The following DSCAML1 variants were observed in gnomAD, a reference collection of about 807,000 sequenced individuals.
The protein encoded by DSCAML1 is DS cell adhesion molecule like 1, also known as cell adhesion molecule DSCAML1.
In DSCAML1, 38 loss-of-function variants were observed where a neutral mutation model predicts 200.5. That is an observed-to-expected ratio of 0.19 (90% CI 0.15 to 0.25). The LOEUF (loss-of-function observed/expected upper bound fraction) is 0.25. Among genes scored for constraint, DSCAML1 ranks in the 10% least tolerant of loss-of-function variants. The pLI is 1.00. For missense variants in DSCAML1, 2,223 were observed against 2,858.8 expected (o/e 0.78, Z 5.07); for synonymous variants, 1,215 against 1,165.0 (o/e 1.04, Z -0.87).
chr11:117,515,523 C>T (rs531031767), intron 8 of DSCAML1, among the ~76,000 whole-genome samples: 2 of 151,708 alleles, frequency 1.3e-5, no homozygotes, highest in Admixed American at 6.6e-5. Flanking sequence ...TTCATTTGAT[C>T]CACAGACTTA....
At chr11:117,449,273 G>A (rs377702840) in intron 20 of DSCAML1, among the ~76,000 whole-genome samples, 4 of 152,220 alleles carry the variant, frequency 2.6e-5, no homozygotes, top group South Asian at 2.1e-4. Context: ...TGCTCTGGGC[G>A]CTGCTGCTTG....
intron 3 of DSCAML1, among the ~76,000 whole-genome samples, chr11:117,574,448 A>C (rs2050898455): frequency 6.6e-6 from 1 of 152,160 alleles, no homozygotes; most frequent in African/African-American, 2.4e-5. Context: ...TGAGGCCCAC[A>C]TCCTTTCTGC....
chr11:117,548,803 C>T (rs920195077), intron 3 of DSCAML1, among the ~76,000 whole-genome samples: 5 of 152,172 alleles, frequency 3.3e-5, no homozygotes, highest in Admixed American at 2.0e-4. Flanking sequence ...GAAGAAACCC[C>T]GCAGTCTTGA....
chr11:117,485,953 C>T (rs950022215), intron 11 of DSCAML1, among the ~76,000 whole-genome samples: 3 of 152,176 alleles, frequency 2.0e-5, no homozygotes, highest in Non-Finnish European at 2.9e-5. Flanking sequence ...CAGCGCTGGC[C>T]GGTCCTAGCT....
intron 3 of DSCAML1, among the ~76,000 whole-genome samples, chr11:117,597,649 T>A (rs751334148): frequency 5.3e-5 from 8 of 152,048 alleles, no homozygotes; most frequent in African/African-American, 9.7e-5. Context: ...AGAGATGGGG[T>A]TTCATCATGT....
chr11:117,702,538 C>G (rs1344232672), intron 3 of DSCAML1, among the ~76,000 whole-genome samples: 1 of 152,104 alleles, frequency 6.6e-6, no homozygotes, highest in Non-Finnish European at 1.5e-5. Flanking sequence ...CCCTCCTTCA[C>G]AGCAATTCCC....
rs577770890 is a variant in DSCAML1, at chr11:117,452,885, C to A, written c.3569-2197G>T. ...GACAATGCAATGACCTTAGAGCTTC[C>A]ATTTACCCTGTCCCAACCTTGCCAT... is the stretch of plus-strand genomic sequence containing the variant. On this transcript the variant is annotated intron_variant, in intron 19 of 32. Coordinates refer to ENST00000651296, the MANE Select transcript of DSCAML1 (RefSeq NM_020693.4). 3.3e-5 allele frequency among the ~76,000 whole-genome samples: 5 copies of A among 152,246 alleles called. No individual in the cohort carries two copies. The South Asian group carries it at 1.0e-3, about 32-fold the overall frequency.
intron 3 of DSCAML1, among the ~76,000 whole-genome samples, chr11:117,562,461 G>A (rs2050680977): frequency 6.6e-6 from 1 of 152,208 alleles, no homozygotes; most frequent in Admixed American, 6.5e-5. Context: ...CCCACAGCAT[G>A]TGACATGTGA....
intron 3 of DSCAML1, among the ~76,000 whole-genome samples, chr11:117,672,693 C>G (rs2053135829): frequency 6.6e-6 from 1 of 152,220 alleles, no homozygotes; most frequent in African/African-American, 2.4e-5. Context: ...CAATACACAT[C>G]ACTATCATTC....
intron 3 of DSCAML1, among the ~76,000 whole-genome samples, chr11:117,634,711 G>A (rs761991888): frequency 2.6e-5 from 4 of 152,134 alleles, no homozygotes; most frequent in East Asian, 1.9e-4. Context: ...CCCCTTCAGC[G>A]GTGCCAACAC....
At chr11:117,714,046 T>G (rs2187182) in intron 3 of DSCAML1, among the ~76,000 whole-genome samples, 145,137 of 152,298 alleles carry the variant, frequency 0.95, 69,332 homozygotes, top group South Asian at 0.99. Flanking sequence ...TAGTCAATCT[T>G]CCTGAGTCCG....
At chr11:117,436,988 C>T in intron 26 of DSCAML1, 134 bp downstream of exon 26, 1 of 1,272,570 alleles carries the variant, frequency 7.9e-7, no homozygotes, top group South Asian at 1.5e-5. Flanking sequence ...CACCTGCAGG[C>T]CAGCATTTCC....
chr11:117,635,042 T>C (rs2052249251), intron 3 of DSCAML1, among the ~76,000 whole-genome samples: 1 of 152,184 alleles, frequency 6.6e-6, no homozygotes, highest in Admixed American at 6.5e-5. Context: ...AAACCCATGA[T>C]AGGTCGCACA....
chr11:117,711,782 C>G (rs192886963), intron 3 of DSCAML1, among the ~76,000 whole-genome samples: 19 of 152,192 alleles, frequency 1.2e-4, no homozygotes, highest in Non-Finnish European at 2.6e-4. Flanking sequence ...TTACAACTGG[C>G]CTATCATCAG....
At position 117,428,313 on chromosome 11, in the gene DSCAML1, C is replaced by T. The variant is rs941597324; in HGVS notation, c.*15G>A. 4 of 1,426,018 alleles carry T rather than the reference C, an allele frequency of 2.8e-6. No individual in the cohort carries two copies. Among genetic ancestry groups the T allele is most frequent in the African/African-American group, 1.4e-5 (1 of 69,862 alleles). The allele number at this position is 1,426,018 out of a possible 1,614,324, so 88.3% of individuals were successfully genotyped here. On this transcript the variant is annotated 3_prime_UTR_variant, in exon 33 of 33. Coordinates refer to ENST00000651296, the MANE Select transcript of DSCAML1 (RefSeq NM_020693.4). ...GCGCGGCGCGGTCCAGGCGTGGCTG[C>T]TCTTCCTGCGGGCCCTACACCAGGG...
intron 11 of DSCAML1, among the ~76,000 whole-genome samples, chr11:117,486,501 G>T (rs1343576839): frequency 1.3e-5 from 2 of 152,010 alleles, no homozygotes; most frequent in East Asian, 1.9e-4. Flanking sequence ...GATGTGAAAG[G>T]CGCATGTCTC....
At chr11:117,809,765 C>A (rs2055741280) in intron 1 of DSCAML1, among the ~76,000 whole-genome samples, 1 of 152,176 alleles carries the variant, frequency 6.6e-6, no homozygotes, top group Non-Finnish European at 1.5e-5. Flanking sequence ...TCCACCCACG[C>A]AACCCTCCTG....
chr11:117,550,875 C>T (rs181741518), intron 3 of DSCAML1, among the ~76,000 whole-genome samples: 71 of 152,334 alleles, frequency 4.7e-4, no homozygotes, highest in African/African-American at 1.7e-3. Context: ...CTGTTAACTC[C>T]TCCGGGCACT....
intron 3 of DSCAML1, among the ~76,000 whole-genome samples, chr11:117,685,628 C>T (rs746845243): frequency 6.6e-6 from 1 of 152,170 alleles, no homozygotes; most frequent in Non-Finnish European, 1.5e-5. Context: ...TGCTTTCTAC[C>T]CCTGGAGCTG....
Sources: gnomAD v4.1 joint callset for allele counts (sites outside exome capture counted in the v4.1 genomes callset) on GRCh38, gnomAD v4.1.1 for gene constraint, MANE v1.5 for transcripts, NCBI Gene and HGNC (gene_info 2026-07-23, HGNC 2026-07-21) for gene names.